Variants in MIGA1 observed in about 807,000 individuals in gnomAD.
The protein encoded by MIGA1 is mitoguardin 1.
Under a neutral mutation model 82.0 loss-of-function variants are expected in MIGA1, and 58 were observed. The observed-to-expected ratio is 0.71, with a 90% CI of 0.57 to 0.88. The LOEUF (loss-of-function observed/expected upper bound fraction) is 0.88. Among genes scored for constraint, MIGA1 ranks in the 40% least tolerant of loss-of-function variants. The probability of loss-of-function intolerance (pLI) is 0.00; values close to 1 mark genes in which losing one functional copy is unlikely to be tolerated. For synonymous variants in MIGA1, 249 were observed against 253.6 expected (o/e 0.98, Z 0.17); for missense variants, 751 against 749.1 (o/e 1.00, Z -0.03).
chr1:77,804,390 G>T (rs1159584848), intron 4 of MIGA1, among the ~76,000 whole-genome samples: 2 of 152,144 alleles, frequency 1.3e-5, no homozygotes, highest in African/African-American at 4.8e-5. Flanking sequence ...GGTAGAATAT[G>T]TACCTGCTAT....
In MIGA1 at chr1:77,877,316, C is replaced by T. The variant is rs1646901676; in HGVS notation, c.*2252C>T. Reference sequence around the variant, plus strand: ...TGGAATTCAGGATCATGCTGTTTTGCATGTACTTTATAGGTTATATAGCAT... The same window carrying T: ...TGGAATTCAGGATCATGCTGTTTTGTATGTACTTTATAGGTTATATAGCAT... On this transcript the variant is annotated 3_prime_UTR_variant, in exon 16 of 16. Coordinates refer to ENST00000370791, the MANE Select transcript of MIGA1 (RefSeq NM_198549.4). 6.6e-6 allele frequency: 1 copy of T among 152,130 alleles called. No individual in the cohort carries two copies. 9.4% of individuals were successfully genotyped at this position (152,130 alleles called of 1,614,324 possible).
intron 14 of MIGA1, among the ~76,000 whole-genome samples, chr1:77,869,907 C>T (rs1316177938): frequency 2.5e-5 from 3 of 121,976 alleles, no homozygotes; most frequent in Admixed American, 7.6e-5. Flanking sequence ...GCTGGCCGGG[C>T]GGGGGGCTGA....
At chr1:77,802,881 A>G (rs555645328) in intron 3 of MIGA1, among the ~76,000 whole-genome samples, 123 of 152,238 alleles carry the variant, frequency 8.1e-4, no homozygotes, top group African/African-American at 2.9e-3. Context: ...ATGCAATGAG[A>G]TTTGGGTAAG....
At position 77,875,014 on chromosome 1, in the gene MIGA1, A is replaced by G. The variant is rs1365428897; in HGVS notation, c.1849A>G (p.Ser617Gly). The G allele has an allele frequency of 3.1e-6, 5 of 1,614,206 alleles. No homozygotes were observed. The highest frequency in any genetic ancestry group is 4.2e-6 in the Non-Finnish European group (5 of 1,180,030). Reference sequence around the variant, plus strand: ...GAGGCATACAAGTAGTTGTCTAAGCAGTCATGGTCATGTTATGTCCACTGG... The same window carrying G: ...GAGGCATACAAGTAGTTGTCTAAGCGGTCATGGTCATGTTATGTCCACTGG... The change falls in exon 16 of 16, where the codon AGT becomes GGT. Residue 617 changes from serine to glycine, a missense_variant. Coordinates refer to ENST00000370791, the MANE Select transcript of MIGA1 (RefSeq NM_198549.4).
intron 15 of MIGA1, 95 bp downstream of exon 15, chr1:77,873,215 A>G: frequency 2.4e-6 from 3 of 1,229,862 alleles, no homozygotes; most frequent in Non-Finnish European, 3.4e-6. Context: ...AGAAGAACAA[A>G]TGTTATTTAA....
rs1333745501 is a variant in MIGA1 at position 77,860,026 on chromosome 1, G to T, written c.1189-14G>T. ...ATAGGTCTCTTTTTTCTTTGGGGAT[G>T]AATATTTTTTCAGGTAATTCTTTCA... On this transcript the variant is annotated splice_polypyrimidine_tract_variant and intron_variant, in intron 10 of 15. Coordinates refer to ENST00000370791, the MANE Select transcript of MIGA1 (RefSeq NM_198549.4). 6.4e-7 allele frequency: 1 copy of T among 1,570,612 alleles called. No individual in the cohort carries two copies. Among genetic ancestry groups the T allele is most frequent in the Non-Finnish European group, 8.7e-7 (1 of 1,146,584 alleles).
At chr1:77,788,906 C>T (rs572880229) in intron 2 of MIGA1, among the ~76,000 whole-genome samples, 3 of 152,090 alleles carry the variant, frequency 2.0e-5, no homozygotes, top group Admixed American at 6.6e-5. Context: ...CTTGAGATTC[C>T]GTATGACATT....
At chr1:77,810,968 C>T in intron 5 of MIGA1, 1 of 1,612,072 alleles carries the variant, frequency 6.2e-7, no homozygotes, top group Non-Finnish European at 8.5e-7. Context: ...AGTTCTATTA[C>T]AATTGGCCCA....
intron 14 of MIGA1, among the ~76,000 whole-genome samples, chr1:77,870,244 G>T (rs1306419048): frequency 7.7e-6 from 1 of 130,372 alleles, no homozygotes; most frequent in East Asian, 2.7e-4. Flanking sequence ...CCTCCCTCCC[G>T]GTCGGGGTGG....
chr1:77,806,615 G>A (rs1683110114), intron 4 of MIGA1, among the ~76,000 whole-genome samples: 1 of 152,134 alleles, frequency 6.6e-6, no homozygotes, highest in Non-Finnish European at 1.5e-5. Flanking sequence ...AGTCAGCATT[G>A]TAAAACATTC....
chr1:77,828,246 A>G (rs1684105529), intron 7 of MIGA1, among the ~76,000 whole-genome samples: 2 of 152,204 alleles, frequency 1.3e-5, no homozygotes, highest in Non-Finnish European at 2.9e-5. Flanking sequence ...GTTTGAATGT[A>G]GTATAGATAG....
chr1:77,825,170 C>G (rs1211927355), intron 7 of MIGA1, among the ~76,000 whole-genome samples: 1 of 151,608 alleles, frequency 6.6e-6, no homozygotes, highest in Non-Finnish European at 1.5e-5. Flanking sequence ...CCACACCTGG[C>G]TAATTTCTGT....
intron 2 of MIGA1, among the ~76,000 whole-genome samples, chr1:77,785,298 G>A (rs1176678572): frequency 1.3e-5 from 2 of 152,032 alleles, no homozygotes; most frequent in Non-Finnish European, 2.9e-5. Flanking sequence ...CAAAACAAAG[G>A]AGCTACAGGC....
intron 5 of MIGA1, among the ~76,000 whole-genome samples, chr1:77,813,532 G>C (rs948704582): frequency 6.6e-6 from 1 of 152,100 alleles, no homozygotes; most frequent in East Asian, 1.9e-4. Flanking sequence ...TGGCCATTTT[G>C]TCTCTGATTT....
At chr1:77,837,191 G>T (rs1038364126) in intron 7 of MIGA1, among the ~76,000 whole-genome samples, 1 of 152,126 alleles carries the variant, frequency 6.6e-6, no homozygotes, top group East Asian at 1.9e-4. Context: ...CACATTAAAG[G>T]CTCGAAAGAA....
chr1:77,869,768 C>T (rs1414633446), intron 14 of MIGA1, among the ~76,000 whole-genome samples: 7 of 90,182 alleles, frequency 7.8e-5, no homozygotes, highest in African/African-American at 2.9e-4. Flanking sequence ...CCGGACGGGG[C>T]GGCTGGCCGG....
chr1:77,835,378 A>T (rs1684387735), intron 7 of MIGA1, among the ~76,000 whole-genome samples: 2 of 152,218 alleles, frequency 1.3e-5, no homozygotes, highest in Non-Finnish European at 2.9e-5. Context: ...TGAATGCTTT[A>T]AAAGTTCTGG....
chr1:77,820,789 A>T (rs1336307611), intron 7 of MIGA1, among the ~76,000 whole-genome samples: 1 of 152,190 alleles, frequency 6.6e-6, no homozygotes, highest in Non-Finnish European at 1.5e-5. Context: ...GAGGAAAGAG[A>T]AGTACCTTCT....
At chr1:77,870,207 C>T (rs1246551739) in intron 14 of MIGA1, among the ~76,000 whole-genome samples, 6 of 109,836 alleles carry the variant, frequency 5.5e-5, no homozygotes, top group Non-Finnish European at 8.1e-5. Context: ...GGCGGCTGGC[C>T]GGGCGGGGGG....
Sources: gnomAD v4.1 joint callset for allele counts (sites outside exome capture counted in the v4.1 genomes callset) on GRCh38, gnomAD v4.1.1 for gene constraint, MANE v1.5 for transcripts, NCBI Gene and HGNC (gene_info 2026-07-23, HGNC 2026-07-21) for gene names.